Variants in TAF3 observed in about 807,000 individuals in gnomAD.
TAF3 encodes transcription initiation factor TFIID subunit 3.
TAF3 carries 7 observed loss-of-function variants against 80.6 expected under a neutral mutation model. The observed-to-expected ratio is 0.09, with a 90% confidence interval of 0.05 to 0.16. The LOEUF is 0.16. Among genes scored for constraint, TAF3 ranks in the 10% least tolerant of loss-of-function variants. The pLI is 1.00. For missense variants in TAF3, 921 were observed against 1,140.2 expected, an observed-to-expected ratio of 0.81 and a Z score of 2.77; for synonymous variants, 444 against 446.1, an observed-to-expected ratio of 1.00 and a Z score of 0.06.
intron 4 of TAF3, among the ~76,000 whole-genome samples, chr10:7,990,383 T>C (rs546105786): frequency 6.6e-6 from 1 of 152,316 alleles, no homozygotes; most frequent in East Asian, 1.9e-4. Flanking sequence ...TTTATTGTTT[T>C]TGTCATTTTG....
Position 7,995,091 on chromosome 10 carries a change from A to G in TAF3, c.2316-13987A>G, listed in dbSNP as rs370187278. Among the ~76,000 whole-genome samples, 6 of 152,314 alleles carry G rather than the reference A, an allele frequency of 3.9e-5. No individual in the cohort carries two copies. The South Asian group carries it at 6.2e-4, about 16-fold the overall frequency. ...ATAGCCTAAAAGTAATAGTACCACT[A>G]TCACTACTACCACCAAGATTATTAA... On this transcript the variant is annotated intron_variant, in intron 4 of 6. Coordinates refer to ENST00000344293, the MANE Select transcript of TAF3 (RefSeq NM_031923.4).
chr10:7,915,349 C>T (rs901738692), intron 2 of TAF3, among the ~76,000 whole-genome samples: 1 of 151,550 alleles, frequency 6.6e-6, no homozygotes, highest in African/African-American at 2.4e-5. Flanking sequence ...TTTTTAGGCT[C>T]CTAAAGAATC....
At chr10:7,949,064 A>G (rs984109001) in intron 2 of TAF3, among the ~76,000 whole-genome samples, 3 of 152,350 alleles carry the variant, frequency 2.0e-5, no homozygotes, top group East Asian at 3.9e-4. Flanking sequence ...CAACAGTGTC[A>G]GGATGATTTC....
intron 2 of TAF3, among the ~76,000 whole-genome samples, chr10:7,885,636 C>T (rs1588538540): frequency 6.6e-6 from 1 of 152,160 alleles, no homozygotes; most frequent in East Asian, 1.9e-4. Context: ...ATTCAATTAT[C>T]CATGTTTCTA....
rs766824439 is a variant in TAF3, at chr10:7,965,297, A to C, written c.1787A>C (p.Glu596Ala). The change falls in exon 3 of 7, where the codon GAA (glutamate) becomes GCA (alanine). Residue 596 changes from glutamate (E) to alanine (A), a missense_variant. By Grantham distance (107) the Glu-to-Ala change is moderately radical (BLOSUM62 -1). This residue lies in a region of TAF3 where 743 missense variants were observed against 821.0 expected (regional missense o/e 0.90). Transcript: ENST00000344293. ...DPYKFKIKEF[E>A]DVDPKVKLKD... ...TACAAGTTTAAAATCAAAGAATTTG[A>C]AGATGTTGATCCCAAAGTGAAATTG... 2.1e-5 allele frequency: 34 copies of C among 1,606,930 alleles called. No homozygotes were observed. Among genetic ancestry groups the C allele is most frequent in the Non-Finnish European group, 2.6e-5 (31 of 1,178,418 alleles).
Position 7,965,461 on chromosome 10 carries a change from G to C in TAF3, c.1951G>C (p.Ala651Pro). Residue 651 changes from alanine to proline, a missense_variant, in exon 3 of 7, where the codon GCA becomes CCA. This residue lies in a region of TAF3 where 743 missense variants were observed against 821.0 expected (regional missense o/e 0.90). Transcript: ENST00000344293. ...CAGAGAAGATAAGATGAAAGCCCCA[G>C]CACCCCCACTGGTGTTGCCCCCAAA... ...KGREDKMKAP[A>P]PPLVLPPKEL... 1 of 1,613,360 alleles carries C rather than the reference G, an allele frequency of 6.2e-7. No individual in the cohort carries two copies. The highest frequency in any genetic ancestry group is 8.5e-7 in the Non-Finnish European group (1 of 1,179,882).
At chr10:7,937,678 G>A (rs1837934345) in intron 2 of TAF3, among the ~76,000 whole-genome samples, 1 of 152,224 alleles carries the variant, frequency 6.6e-6, no homozygotes, top group South Asian at 2.1e-4. Context: ...TGAAGGATGA[G>A]TAACAGGTGA....
At chr10:7,846,440 T>C (rs1836973809) in intron 2 of TAF3, among the ~76,000 whole-genome samples, 2 of 152,200 alleles carry the variant, frequency 1.3e-5, no homozygotes, top group Non-Finnish European at 2.9e-5. Context: ...GGTACCAACA[T>C]TTAACATAAT....
intron 4 of TAF3, 90 bp downstream of exon 4, chr10:7,977,413 T>A: frequency 7.9e-7 from 1 of 1,263,720 alleles, no homozygotes; most frequent in Non-Finnish European, 1.1e-6. Flanking sequence ...CACAAGCTTC[T>A]CCCAGGTATG....
Position 7,976,249 on chromosome 10 carries a change from CT to C in TAF3, c.2233-977del, listed in dbSNP as rs1042340982. Among the ~76,000 whole-genome samples the C allele has an allele frequency of 3.9e-3, 546 of 139,648 alleles. 1 individual carries two copies. The highest frequency in any genetic ancestry group is 4.5e-3 in the African/African-American group (171 of 38,282). 91.6% of individuals were successfully genotyped at this position (139,648 alleles called of 152,430 possible). A position where few individuals can be genotyped will look rare whatever the true frequency, so the allele number is the denominator to read the frequency against. On this transcript the variant is annotated intron_variant, in intron 3 of 6. Transcript: ENST00000344293. ...TCTGTTTTCGTTTTCTTTCTTTTTT[CT>C]TTTTTTTTTTTTTTAAGATGGAGTC...
At chr10:7,827,542 G>A (rs1184546498) in intron 2 of TAF3, among the ~76,000 whole-genome samples, 2 of 152,082 alleles carry the variant, frequency 1.3e-5, no homozygotes, top group Non-Finnish European at 2.9e-5. Context: ...AGCACTTTGG[G>A]AGGCGGAGAC....
chr10:7,878,277 G>A (rs571939454), intron 2 of TAF3, among the ~76,000 whole-genome samples: 1 of 152,242 alleles, frequency 6.6e-6, no homozygotes, highest in Non-Finnish European at 1.5e-5. Context: ...GTAGTAGACT[G>A]GGTAAATAGA....
At chr10:7,820,888 TTC>T (rs1321982993) in intron 1 of TAF3, among the ~76,000 whole-genome samples, 3 of 152,234 alleles carry the variant, frequency 2.0e-5, no homozygotes, top group African/African-American at 7.2e-5. Context: ...TGGCTTTTGT[TTC>T]TTTTTCCTCT....
At chr10:7,982,574 A>G (rs764792783) in intron 4 of TAF3, among the ~76,000 whole-genome samples, 4 of 151,980 alleles carry the variant, frequency 2.6e-5, no homozygotes, top group Admixed American at 6.6e-5. Context: ...AATTTTTTGT[A>G]GTTTTAGTAG....
At chr10:8,006,373 T>C (rs971371522) in intron 4 of TAF3, among the ~76,000 whole-genome samples, 8 of 150,644 alleles carry the variant, frequency 5.3e-5, no homozygotes, top group African/African-American at 2.0e-4. Context: ...TGAAACTCCA[T>C]CTCAAAAAAA....
chr10:7,944,435 T>G (rs1462377730), intron 2 of TAF3, among the ~76,000 whole-genome samples: 3 of 152,238 alleles, frequency 2.0e-5, no homozygotes, highest in Non-Finnish European at 2.9e-5. Context: ...TATCTTTTAC[T>G]TTTTATTAAG....
intron 2 of TAF3, among the ~76,000 whole-genome samples, chr10:7,941,927 T>C (rs1051864964): frequency 2.0e-5 from 3 of 152,152 alleles, no homozygotes; most frequent in Non-Finnish European, 4.4e-5. Context: ...CTCTTTTTGT[T>C]TTTAATAATT....
At chr10:7,970,887 T>C (rs1342792214) in intron 3 of TAF3, among the ~76,000 whole-genome samples, 1 of 152,202 alleles carries the variant, frequency 6.6e-6, no homozygotes, top group South Asian at 2.1e-4. Flanking sequence ...TTTAAAGTAA[T>C]GTAGTCTCAT....
At chr10:7,841,143 G>A (rs569063764) in intron 2 of TAF3, among the ~76,000 whole-genome samples, 90 of 152,348 alleles carry the variant, frequency 5.9e-4, no homozygotes, top group Non-Finnish European at 7.5e-4. Flanking sequence ...GAGCTGCCGC[G>A]CCCGGCCTAG....
Sources: allele counts gnomAD v4.1 joint callset (sites outside exome capture counted in the v4.1 genomes callset), GRCh38; gene constraint gnomAD v4.1.1; regional missense constraint gnomAD v4.1.1; transcripts MANE v1.5; gene names NCBI Gene and HGNC (gene_info 2026-07-23, HGNC 2026-07-21).